The following SOX6 variants were observed in gnomAD, a reference collection of about 807,000 sequenced individuals.
SOX6 encodes SRY-box transcription factor 6, also known as transcription factor SOX-6.
A neutral mutation model predicts 97.8 loss-of-function variants in SOX6; 11 were observed. The ratio of observed to expected loss-of-function variants is 0.11; its 90% confidence interval spans 0.07 to 0.19. The LOEUF (loss-of-function observed/expected upper bound fraction) is 0.19, where lower values mean the gene tolerates loss of function less well. SOX6 is among the 10% of genes least tolerant of loss of function. The pLI is 1.00. For missense variants in SOX6, 810 were observed against 1,039.5 expected, an observed-to-expected ratio of 0.78 and a Z score of 3.04; for synonymous variants, 360 against 371.4, an observed-to-expected ratio of 0.97 and a Z score of 0.35.
At chr11:16,179,722 A>T (rs1188018477) in intron 6 of SOX6, among the ~76,000 whole-genome samples, 1 of 151,928 alleles carries the variant, frequency 6.6e-6, no homozygotes. Context: ...GAATTGACTA[A>T]ATCATTGGCC....
intron 1 of SOX6, among the ~76,000 whole-genome samples, chr11:16,456,127 T>C (rs1188318083): frequency 6.6e-6 from 1 of 152,132 alleles, no homozygotes; most frequent in Non-Finnish European, 1.5e-5. Context: ...TTGTATGTCT[T>C]AGAGGAGATT....
intron 1 of SOX6, among the ~76,000 whole-genome samples, chr11:16,389,080 GT>G (rs1166977936): frequency 6.6e-6 from 1 of 151,650 alleles, no homozygotes; most frequent in African/African-American, 2.4e-5. Context: ...TTGTTTTGTG[GT>G]TTTTTGTTTT....
intron 4 of SOX6, among the ~76,000 whole-genome samples, chr11:16,201,187 C>T (rs193298390): frequency 2.6e-5 from 4 of 151,404 alleles, no homozygotes; most frequent in South Asian, 2.1e-4. Flanking sequence ...ATCCAACCTA[C>T]GACATTTTAA....
intron 4 of SOX6, among the ~76,000 whole-genome samples, chr11:16,570,574 T>G (rs1051024504): frequency 2.6e-5 from 4 of 152,192 alleles, no homozygotes; most frequent in Non-Finnish European, 5.9e-5. Flanking sequence ...TTGTGAAGGG[T>G]TGACTGCATC....
chr11:16,639,355 T>G (rs1848852734), intron 3 of SOX6, among the ~76,000 whole-genome samples: 1 of 152,234 alleles, frequency 6.6e-6, no homozygotes, highest in Non-Finnish European at 1.5e-5. Context: ...GCATGATGCC[T>G]CTAGCTTTGT....
At chr11:16,699,943 C>T (rs1450811623) in intron 3 of SOX6, among the ~76,000 whole-genome samples, 1 of 151,872 alleles carries the variant, frequency 6.6e-6, no homozygotes, top group Non-Finnish European at 1.5e-5. Flanking sequence ...AACAAGTGGA[C>T]ACTAGAATTA....
At chr11:16,690,999 G>A (rs1169577569) in intron 3 of SOX6, among the ~76,000 whole-genome samples, 2 of 152,190 alleles carry the variant, frequency 1.3e-5, no homozygotes, top group Non-Finnish European at 2.9e-5. Context: ...GGATCAGAAC[G>A]TCTACAGGAT....
intron 2 of SOX6, among the ~76,000 whole-genome samples, chr11:16,329,825 G>C (rs1856229267): frequency 6.6e-6 from 1 of 152,076 alleles, no homozygotes; most frequent in Non-Finnish European, 1.5e-5. Flanking sequence ...CTCCCAAAGT[G>C]GTCCATTCCA....
chr11:16,034,738 G>A (rs541796113), intron 12 of SOX6, among the ~76,000 whole-genome samples: 11 of 152,212 alleles, frequency 7.2e-5, no homozygotes, highest in South Asian at 4.1e-4. Context: ...CATACAGACC[G>A]TCTCACATAT....
chr11:16,183,834 A>T (rs1851403280), intron 6 of SOX6, 52 bp downstream of exon 6: 2 of 1,551,446 alleles, frequency 1.3e-6, no homozygotes, highest in Admixed American at 3.4e-5. Context: ...TTCCATTTTC[A>T]AGGAGGAAAG....
chr11:16,579,797 TG>T (rs1256780957), intron 4 of SOX6, among the ~76,000 whole-genome samples: 4 of 152,162 alleles, frequency 2.6e-5, no homozygotes, highest in African/African-American at 7.2e-5. Flanking sequence ...TCATTTCTCT[TG>T]GGTATATACC....
rs140325629 is a variant in SOX6 at position 15,974,936 on chromosome 11, T to G, written c.2184-1824A>C. 4.3e-4 allele frequency among the ~76,000 whole-genome samples: 66 copies of G among 152,310 alleles called. 2 individuals carry two copies. In the East Asian group the frequency reaches 0.012, roughly 28 times the overall value. ...ATCAGACCTTGCTTCAAGCCCTGCA[T>G]TCAATAACCAGCAGAGCCAGAATGT... is the stretch of plus-strand genomic sequence containing the variant. On this transcript the variant is annotated intron_variant, in intron 15 of 15. Transcript: ENST00000683767.
chr11:16,046,398 T>G, intron 12 of SOX6, 116 bp downstream of exon 12: 1 of 1,113,832 alleles, frequency 9.0e-7, no homozygotes, highest in Non-Finnish European at 1.4e-6. Context: ...AAGACAGCCC[T>G]CAAGCTGGAA....
At chr11:16,344,440 AC>A (rs1856722986) in intron 1 of SOX6, among the ~76,000 whole-genome samples, 1 of 151,898 alleles carries the variant, frequency 6.6e-6, no homozygotes, top group African/African-American at 2.4e-5. Flanking sequence ...CCCCTTTAAA[AC>A]ATTTTACTCA....
In SOX6 at chr11:16,120,639, A is replaced by T. The variant is rs35117639; in HGVS notation, c.778-8716T>A. ...GAAAAGTTGGTTTAAAGCAAAAGAA[A>T]AAAATAGCTCCAGAAAGTGAGTTCT... is the stretch of plus-strand genomic sequence containing the variant. On this transcript the variant is annotated intron_variant, in intron 6 of 15. Coordinates refer to ENST00000683767, the MANE Select transcript of SOX6 (RefSeq NM_001367873.1). Among the ~76,000 whole-genome samples, 395 of 152,000 alleles carry T rather than the reference A, an allele frequency of 2.6e-3. 2 individuals carry two copies. Among genetic ancestry groups the T allele is most frequent in the African/African-American group, 9.2e-3 (381 of 41,528 alleles).
intron 3 of SOX6, among the ~76,000 whole-genome samples, chr11:16,281,542 G>T (rs950097155): frequency 3.3e-5 from 5 of 152,020 alleles, no homozygotes; most frequent in African/African-American, 1.2e-4. Flanking sequence ...AATAGTGGAA[G>T]TGATTGGAAC....
At chr11:16,312,129 C>A (rs1408296733) in intron 3 of SOX6, 1 of 152,134 alleles carries the variant, frequency 6.6e-6, no homozygotes, top group Non-Finnish European at 1.5e-5. Context: ...GGCAAATACT[C>A]TAATTTCTGA....
chr11:16,245,701 T>A (rs1231346451), intron 3 of SOX6, among the ~76,000 whole-genome samples: 1 of 151,704 alleles, frequency 6.6e-6, no homozygotes, highest in Non-Finnish European at 1.5e-5. Flanking sequence ...CTTCTTTATC[T>A]CTGATAATAT....
chr11:16,526,825 G>C (rs1416479963), intron 4 of SOX6, among the ~76,000 whole-genome samples: 2 of 151,884 alleles, frequency 1.3e-5, no homozygotes, highest in African/African-American at 2.4e-5. Flanking sequence ...AGAAATTAAG[G>C]TCACAGAATG....
Sources: allele counts gnomAD v4.1 joint callset (sites outside exome capture counted in the v4.1 genomes callset), GRCh38; gene constraint gnomAD v4.1.1; transcripts MANE v1.5; gene names NCBI Gene and HGNC (gene_info 2026-07-23, HGNC 2026-07-21).